The following GRID2 variants were observed in gnomAD, a reference collection of about 807,000 sequenced individuals.
The protein encoded by GRID2 is glutamate ionotropic receptor delta type subunit 2.
A neutral mutation model predicts 114.8 loss-of-function variants in GRID2; 33 were observed. The observed-to-expected ratio is 0.29, with a 90% CI of 0.22 to 0.38. The LOEUF (loss-of-function observed/expected upper bound fraction) is 0.38, where lower values mean the gene tolerates loss of function less well. Among genes scored for constraint, GRID2 ranks in the 10% least tolerant of loss-of-function variants. The pLI, the probability that GRID2 is intolerant of heterozygous loss-of-function variation, is 1.00. For missense variants in GRID2, 1,184 were observed against 1,257.7 expected (o/e 0.94, Z 0.89); for synonymous variants, 505 against 449.9 (o/e 1.12, Z -1.55).
chr4:93,789,458 T>C (rs1734654155), intron 1 of GRID2, among the ~76,000 whole-genome samples: 1 of 152,348 alleles, frequency 6.6e-6, no homozygotes, highest in South Asian at 2.1e-4. Flanking sequence ...TATTACCTAA[T>C]ATGCCAAATG....
intron 2 of GRID2, among the ~76,000 whole-genome samples, chr4:92,911,533 G>A (rs1396151415): frequency 2.6e-5 from 4 of 151,812 alleles, no homozygotes; most frequent in Non-Finnish European, 5.9e-5. Flanking sequence ...GGACTGCCAT[G>A]ATAAAACAAA....
intron 2 of GRID2, among the ~76,000 whole-genome samples, chr4:92,946,594 T>C (rs1279508753): frequency 6.6e-6 from 1 of 152,132 alleles, no homozygotes; most frequent in Non-Finnish European, 1.5e-5. Flanking sequence ...CAAACTCTAC[T>C]GCATATTACT....
rs1744089196 is a variant in GRID2 at position 92,855,184 on chromosome 4, C to T, written c.245-229811C>T. Among the ~76,000 whole-genome samples the T allele has an allele frequency of 2.6e-5, 4 of 152,066 alleles. 1 individual carries two copies. In the South Asian group the frequency reaches 8.3e-4, roughly 32 times the overall value. On this transcript the variant is annotated intron_variant, in intron 2 of 15. Transcript: ENST00000282020. ...TAGTGACAGAATGACAAATGAATGT[C>T]CTATTCACTGTAGTGTAAAGATGAC... is the stretch of plus-strand genomic sequence containing the variant.
chr4:92,370,673 T>G (rs1253587037), intron 1 of GRID2, among the ~76,000 whole-genome samples: 3 of 152,146 alleles, frequency 2.0e-5, no homozygotes, highest in African/African-American at 7.2e-5. Context: ...GTCGCACATC[T>G]TTCATTTTCA....
intron 13 of GRID2, among the ~76,000 whole-genome samples, chr4:93,614,001 AT>A (rs1437590010): frequency 6.6e-6 from 1 of 151,768 alleles, no homozygotes; most frequent in African/African-American, 2.4e-5. Context: ...CAGGTGTGGG[AT>A]ATAGTCTCGT....
At chr4:92,672,670 T>C (rs1165555665) in intron 2 of GRID2, among the ~76,000 whole-genome samples, 1 of 152,138 alleles carries the variant, frequency 6.6e-6, no homozygotes, top group Non-Finnish European at 1.5e-5. Flanking sequence ...TTCCCATCTA[T>C]TCTTCATTAC....
chr4:92,964,274 A>T (rs1417232910), intron 2 of GRID2, among the ~76,000 whole-genome samples: 1 of 151,968 alleles, frequency 6.6e-6, no homozygotes, highest in Non-Finnish European at 1.5e-5. Context: ...CTAGCTATGA[A>T]AGTCCCAGGG....
chr4:93,528,083 GTATGTGTATATATGTGTATA>G (rs538494006), intron 13 of GRID2, among the ~76,000 whole-genome samples: 1 of 151,748 alleles, frequency 6.6e-6, no homozygotes, highest in African/African-American at 2.4e-5. Flanking sequence ...GTGTATATGT[GTATGTGTATATATGTGTATA>G]TATGTGTATA....
At chr4:92,952,512 G>A (rs1752109184) in intron 2 of GRID2, among the ~76,000 whole-genome samples, 1 of 152,088 alleles carries the variant, frequency 6.6e-6, no homozygotes, top group Non-Finnish European at 1.5e-5. Context: ...TTCTCCTCAT[G>A]TTTTTTAAAT....
chr4:92,577,082 A>G (rs971319244), intron 1 of GRID2, among the ~76,000 whole-genome samples: 1 of 152,212 alleles, frequency 6.6e-6, no homozygotes, highest in Admixed American at 6.5e-5. Flanking sequence ...GAAGCATAGC[A>G]TATTCGAAAG....
intron 2 of GRID2, among the ~76,000 whole-genome samples, chr4:92,895,204 A>G (rs1333252692): frequency 1.3e-5 from 2 of 151,616 alleles, no homozygotes; most frequent in Non-Finnish European, 2.9e-5. Context: ...TGAGGCCAAC[A>G]TGGGGTAGAA....
At chr4:93,654,082 T>C (rs1485811909) in intron 14 of GRID2, among the ~76,000 whole-genome samples, 3 of 152,208 alleles carry the variant, frequency 2.0e-5, no homozygotes, top group Non-Finnish European at 4.4e-5. Flanking sequence ...GGACTTATTG[T>C]AGCCCAGATG....
chr4:92,832,600 G>A (rs1036072659), intron 2 of GRID2, among the ~76,000 whole-genome samples: 4 of 151,992 alleles, frequency 2.6e-5, no homozygotes, highest in Admixed American at 6.6e-5. Context: ...CACCATGTTG[G>A]CCAGGCTGGT....
chr4:92,820,705 T>C (rs1359202516), intron 2 of GRID2, among the ~76,000 whole-genome samples: 2 of 152,140 alleles, frequency 1.3e-5, no homozygotes, highest in African/African-American at 4.8e-5. Flanking sequence ...CTATTTAGAA[T>C]GCATTTTTTG....
chr4:92,827,625 T>G (rs914256738), intron 2 of GRID2, among the ~76,000 whole-genome samples: 1 of 152,010 alleles, frequency 6.6e-6, no homozygotes, highest in Non-Finnish European at 1.5e-5. Flanking sequence ...ACACCAATAT[T>G]TCAGAGAAGC....
At chr4:92,979,668 G>C (rs1754075151) in intron 2 of GRID2, among the ~76,000 whole-genome samples, 1 of 152,108 alleles carries the variant, frequency 6.6e-6, no homozygotes, top group African/African-American at 2.4e-5. Flanking sequence ...ATCCTACAGT[G>C]ATGCACAGAA....
chr4:92,503,771 C>G (rs6532373), intron 1 of GRID2, among the ~76,000 whole-genome samples: 35,454 of 151,886 alleles, frequency 0.23, 4,505 homozygotes, highest in Non-Finnish European at 0.29. Flanking sequence ...CTTTATAAAG[C>G]TAGAGTAAAC....
At chr4:93,454,816 C>G (rs898039350) in intron 10 of GRID2, among the ~76,000 whole-genome samples, 1 of 152,052 alleles carries the variant, frequency 6.6e-6, no homozygotes, top group African/African-American at 2.4e-5. Flanking sequence ...CTGGAAGGGT[C>G]ATCCTGCAGC....
At chr4:93,183,733 G>A (rs1282394424) in intron 4 of GRID2, among the ~76,000 whole-genome samples, 1 of 152,200 alleles carries the variant, frequency 6.6e-6, no homozygotes, top group Admixed American at 6.5e-5. Context: ...GCACTGAATA[G>A]AGCAGGAGAA....
Sources: gnomAD v4.1 joint callset for allele counts (sites outside exome capture counted in the v4.1 genomes callset) on GRCh38, gnomAD v4.1.1 for gene constraint, MANE v1.5 for transcripts, NCBI Gene and HGNC (gene_info 2026-07-23, HGNC 2026-07-21) for gene names.